SPON1: variants seen among roughly 807,000 people sequenced by gnomAD.
SPON1 encodes the protein spondin 1, also known as spondin-1.
Under a neutral mutation model 111.7 loss-of-function variants are expected in SPON1, and 52 were observed. That is an observed-to-expected ratio of 0.47 (90% CI 0.37 to 0.59). The LOEUF (loss-of-function observed/expected upper bound fraction) is 0.59. SPON1 is among the 20% of genes least tolerant of loss of function. SPON1 has a pLI of 0.00. For missense variants in SPON1, 957 were observed against 1,068.5 expected (o/e 0.90, Z 1.46); for synonymous variants, 410 against 395.8 (o/e 1.04, Z -0.43).
chr11:13,963,037 A>G lies in SPON1; in HGVS notation c.133A>G (p.Ser45Gly). The change falls in exon 1 of 16, where the codon AGC becomes GGC. Residue 45 changes from serine to glycine, a missense_variant. Ser to Gly is a moderately conservative substitution (Grantham distance 56, BLOSUM62 0). Coordinates refer to ENST00000576479, the MANE Select transcript of SPON1 (RefSeq NM_006108.4). Reference protein sequence around the residue: ...DKVPKSEGYCSRILRAQGTRR... With the variant: ...DKVPKSEGYCGRILRAQGTRR... ...AGTGCCCAAGTCAGAGGGCTACTGC[A>G]GCCGTATCCTGCGCGCCCAGGGCAC... 1.3e-6 allele frequency: 2 copies of G among 1,585,638 alleles called. No individual in the cohort carries two copies. Among genetic ancestry groups the G allele is most frequent in the Non-Finnish European group, 1.7e-6 (2 of 1,167,282 alleles).
chr11:14,068,726 A>G (rs377518414), intron 3 of SPON1, among the ~76,000 whole-genome samples: 6 of 152,240 alleles, frequency 3.9e-5, no homozygotes, highest in African/African-American at 1.2e-4. Context: ...CACTTTCCCC[A>G]ACTCCACCTC....
intron 5 of SPON1, among the ~76,000 whole-genome samples, chr11:14,119,790 GA>G (rs1849291704): frequency 6.6e-6 from 1 of 152,042 alleles, no homozygotes; most frequent in African/African-American, 2.4e-5. Flanking sequence ...TGACAGAAAG[GA>G]CTACCTGCAC....
chr11:14,019,525 G>A (rs985112978), intron 2 of SPON1, among the ~76,000 whole-genome samples: 2 of 151,914 alleles, frequency 1.3e-5, no homozygotes, highest in Non-Finnish European at 2.9e-5. Context: ...AAGGACCTGG[G>A]TTGACACCAT....
chr11:14,203,467 T>C (rs907808665), intron 6 of SPON1, among the ~76,000 whole-genome samples: 4 of 152,210 alleles, frequency 2.6e-5, no homozygotes, highest in Non-Finnish European at 5.9e-5. Flanking sequence ...GAAAGAGAAA[T>C]GTGCAACATA....
At chr11:14,243,957 T>C (rs571560860) in intron 7 of SPON1, among the ~76,000 whole-genome samples, 2 of 152,356 alleles carry the variant, frequency 1.3e-5, no homozygotes, top group African/African-American at 4.8e-5. Flanking sequence ...ATGGTCCACC[T>C]GGACCTTAAA....
At chr11:14,081,920 T>C (rs1255906425) in intron 5 of SPON1, among the ~76,000 whole-genome samples, 1 of 152,180 alleles carries the variant, frequency 6.6e-6, no homozygotes, top group Non-Finnish European at 1.5e-5. Flanking sequence ...TAGAAGCCTC[T>C]TTCTAGTTCA....
At chr11:14,090,399 G>T (rs574085700) in intron 5 of SPON1, among the ~76,000 whole-genome samples, 1 of 152,200 alleles carries the variant, frequency 6.6e-6, no homozygotes, top group South Asian at 2.1e-4. Flanking sequence ...TGGGTTCTTG[G>T]TCTCACTGAC....
intron 3 of SPON1, among the ~76,000 whole-genome samples, chr11:14,054,241 A>G (rs150450518): frequency 6.6e-6 from 1 of 152,340 alleles, no homozygotes; most frequent in African/African-American, 2.4e-5. Flanking sequence ...TTTATGTCTT[A>G]GTTCTATGCT....
intron 2 of SPON1, among the ~76,000 whole-genome samples, chr11:14,024,788 C>T (rs1848506123): frequency 6.6e-6 from 1 of 152,238 alleles, no homozygotes; most frequent in African/African-American, 2.4e-5. Flanking sequence ...CTTCTCTACC[C>T]AGGGCTTCCC....
chr11:14,223,566 G>C (rs143997853), intron 6 of SPON1, among the ~76,000 whole-genome samples: 8 of 152,194 alleles, frequency 5.3e-5, no homozygotes, highest in East Asian at 1.9e-4. Context: ...AATGTCATTC[G>C]GTTCTGTCGG....
intron 3 of SPON1, among the ~76,000 whole-genome samples, chr11:14,066,393 A>G (rs2133825532): frequency 6.6e-6 from 1 of 152,190 alleles, no homozygotes; most frequent in Admixed American, 6.5e-5. Context: ...AGACGCTGGA[A>G]AAAAAAATTG....
At chr11:14,217,870 C>G (rs1298148520) in intron 6 of SPON1, among the ~76,000 whole-genome samples, 1 of 152,078 alleles carries the variant, frequency 6.6e-6, no homozygotes, top group South Asian at 2.1e-4. Context: ...TTTATTGAAC[C>G]CTTACTATGT....
At chr11:14,108,044 G>T (rs540899990) in intron 5 of SPON1, among the ~76,000 whole-genome samples, 11 of 152,096 alleles carry the variant, frequency 7.2e-5, no homozygotes, top group Non-Finnish European at 1.6e-4. Context: ...TAGGTTCAAA[G>T]CTAATCTCCA....
intron 2 of SPON1, among the ~76,000 whole-genome samples, chr11:14,041,039 G>A (rs1050830257): frequency 4.1e-4 from 63 of 152,104 alleles, no homozygotes; most frequent in Admixed American, 3.3e-3. Flanking sequence ...AAGGAAGTAG[G>A]AACTGCGCTA....
chr11:13,972,774 C>T (rs1169132751), intron 1 of SPON1, among the ~76,000 whole-genome samples: 5 of 152,150 alleles, frequency 3.3e-5, no homozygotes, highest in Admixed American at 3.3e-4. Flanking sequence ...TGTTTTCTTT[C>T]TTTGCTTCAA....
chr11:14,116,457 A>G (rs534689376), intron 5 of SPON1, among the ~76,000 whole-genome samples: 3 of 152,112 alleles, frequency 2.0e-5, no homozygotes, highest in Admixed American at 6.5e-5. Context: ...ATTTTTTTTT[A>G]CAGGACTATT....
chr11:14,108,962 C>A (rs983517896), intron 5 of SPON1, among the ~76,000 whole-genome samples: 4 of 152,196 alleles, frequency 2.6e-5, no homozygotes, highest in Admixed American at 2.0e-4. Context: ...AGAGAGGAAT[C>A]AAAGCTGGGA....
intron 1 of SPON1, among the ~76,000 whole-genome samples, chr11:13,969,548 G>A (rs964912263): frequency 2.0e-5 from 3 of 152,072 alleles, no homozygotes; most frequent in African/African-American, 7.2e-5. Context: ...GGTGGTGTGG[G>A]AAGAGAAAAA....
chr11:14,016,796 A>G (rs1455439353), intron 2 of SPON1, among the ~76,000 whole-genome samples: 3 of 152,224 alleles, frequency 2.0e-5, no homozygotes, highest in Non-Finnish European at 2.9e-5. Flanking sequence ...TTGGTTTCAC[A>G]TTGCAGAAGA....
Sources: gnomAD v4.1 joint callset for allele counts (sites outside exome capture counted in the v4.1 genomes callset) on GRCh38, gnomAD v4.1.1 for gene constraint, MANE v1.5 for transcripts, NCBI Gene and HGNC (gene_info 2026-07-23, HGNC 2026-07-21) for gene names.